PIK3C2G: variants seen among roughly 807,000 people sequenced by gnomAD.
The protein encoded by PIK3C2G is phosphatidylinositol-4-phosphate 3-kinase catalytic subunit type 2 gamma.
Under a neutral mutation model 181.1 loss-of-function variants are expected in PIK3C2G, and 168 were observed. The observed-to-expected ratio is 0.93, with a 90% CI of 0.82 to 1.05. The LOEUF (loss-of-function observed/expected upper bound fraction) is 1.05. Ranked by LOEUF, PIK3C2G falls within the 50% of genes least tolerant of loss-of-function variation. The probability of loss-of-function intolerance (pLI) is 0.00; values close to 1 mark genes in which losing one functional copy is unlikely to be tolerated. For synonymous variants in PIK3C2G, 573 were observed against 592.2 expected (o/e 0.97, Z 0.47); for missense variants, 1,869 against 1,732.8 (o/e 1.08, Z -1.40).
At chr12:18,473,282 T>TAGGTA (rs1938625966) in intron 18 of PIK3C2G, among the ~76,000 whole-genome samples, 1 of 152,208 alleles carries the variant, frequency 6.6e-6, no homozygotes, top group Non-Finnish European at 1.5e-5. Context: ...TGTAGGTTTG[T>TAGGTA]TTTTGTTATT....
At chr12:18,613,463 AC>A (rs1043840709) in intron 31 of PIK3C2G, among the ~76,000 whole-genome samples, 9 of 150,442 alleles carry the variant, frequency 6.0e-5, no homozygotes, top group Non-Finnish European at 7.4e-5. Context: ...AAACACAAGA[AC>A]CCCCCCACAC....
intron 3 of PIK3C2G, among the ~76,000 whole-genome samples, chr12:18,287,964 C>A (rs1431617780): frequency 1.3e-5 from 2 of 152,060 alleles, no homozygotes; most frequent in African/African-American, 2.4e-5. Context: ...GAGTTCGAGA[C>A]CAGCCTGGCC....
chr12:18,705,151 AG>A, the PIK3C2G span: 455 of 1,613,790 alleles, frequency 2.8e-4, 5 homozygotes, highest in South Asian at 4.6e-3. Flanking sequence ...TGAGTTTCTC[AG>A]AAAAAAATGT....
intron 11 of PIK3C2G, among the ~76,000 whole-genome samples, chr12:18,353,338 C>T (rs565786216): frequency 6.6e-6 from 1 of 152,050 alleles, no homozygotes; most frequent in Non-Finnish European, 1.5e-5. Context: ...CCAAGTTTTA[C>T]AAGGTTAAGT....
intron 22 of PIK3C2G, among the ~76,000 whole-genome samples, chr12:18,503,075 A>C (rs935402163): frequency 6.6e-6 from 1 of 152,158 alleles, no homozygotes; most frequent in Non-Finnish European, 1.5e-5. Flanking sequence ...GATTAATCCG[A>C]TCCAAACACA....
chr12:18,421,811 T>C (rs1477865944), intron 17 of PIK3C2G, among the ~76,000 whole-genome samples: 2 of 151,896 alleles, frequency 1.3e-5, no homozygotes, highest in Admixed American at 1.3e-4. Context: ...TGAATGTCAG[T>C]TGCCTCAGGT....
chr12:18,267,662 C>T (rs1471716116), intron 1 of PIK3C2G, among the ~76,000 whole-genome samples: 2 of 152,180 alleles, frequency 1.3e-5, no homozygotes, highest in Admixed American at 1.3e-4. Context: ...GAACAGACTT[C>T]ATCTGATTTC....
At chr12:18,300,448 C>A (rs1012240606) in intron 5 of PIK3C2G, among the ~76,000 whole-genome samples, 1 of 151,754 alleles carries the variant, frequency 6.6e-6, no homozygotes, top group East Asian at 1.9e-4. Flanking sequence ...CTTCTGCTTA[C>A]TTTTGGTTTC....
chr12:18,287,366 A>G (rs577462493), intron 3 of PIK3C2G, among the ~76,000 whole-genome samples: 39 of 152,324 alleles, frequency 2.6e-4, no homozygotes, highest in African/African-American at 8.4e-4. Flanking sequence ...TTGAATAAAT[A>G]CGTGTGTGTT....
At chr12:18,692,237 T>G in the PIK3C2G span, among the ~76,000 whole-genome samples, 1 of 152,122 alleles carries the variant, frequency 6.6e-6, no homozygotes, top group Non-Finnish European at 1.5e-5. Context: ...AGATGGTTTA[T>G]ACAGTTCTAG....
intron 31 of PIK3C2G, among the ~76,000 whole-genome samples, chr12:18,638,951 CAA>C (rs779064940): frequency 1.9e-4 from 19 of 97,576 alleles, no homozygotes; most frequent in African/African-American, 4.2e-4. Context: ...CTCTTCTCAC[CAA>C]AAAAAAAAAA....
chr12:18,461,775 A>G (rs1416025482), intron 18 of PIK3C2G, among the ~76,000 whole-genome samples: 1 of 152,210 alleles, frequency 6.6e-6, no homozygotes, highest in African/African-American at 2.4e-5. Context: ...ATCTGCTGGC[A>G]CCTTGACCTT....
intron 18 of PIK3C2G, among the ~76,000 whole-genome samples, chr12:18,465,723 T>A (rs939525342): frequency 1.3e-5 from 2 of 151,826 alleles, no homozygotes; most frequent in Non-Finnish European, 2.9e-5. Flanking sequence ...GACTTCTTTG[T>A]GTCTAGATGT....
chr12:18,344,675 T>C lies in PIK3C2G; in HGVS notation c.1429+1315T>C, dbSNP rs1239611061. 2.6e-5 allele frequency among the ~76,000 whole-genome samples: 4 copies of C among 152,144 alleles called. No homozygotes were observed. In the East Asian group the frequency reaches 7.7e-4, roughly 29 times the overall value. On this transcript the variant is annotated intron_variant, in intron 10 of 32. Transcript: ENST00000538779. ...CTGTACAGAAATGTTCCTGGAGACT[T>C]ATATTCTATAATAAATCATGATAGA... is the stretch of plus-strand genomic sequence containing the variant.
chr12:18,342,781 A>G (rs964244071), intron 9 of PIK3C2G, among the ~76,000 whole-genome samples: 3 of 152,072 alleles, frequency 2.0e-5, no homozygotes, highest in African/African-American at 7.2e-5. Flanking sequence ...AACCAAAAAA[A>G]TAGGATTTCA....
chr12:18,530,520 T>C (rs1303343679), intron 24 of PIK3C2G, among the ~76,000 whole-genome samples: 2 of 152,190 alleles, frequency 1.3e-5, no homozygotes, highest in Admixed American at 1.3e-4. Flanking sequence ...CTCCATTCCT[T>C]ACCTCTTGTT....
At chr12:18,569,395 A>G (rs1437646524) in intron 29 of PIK3C2G, among the ~76,000 whole-genome samples, 3 of 152,094 alleles carry the variant, frequency 2.0e-5, no homozygotes, top group Admixed American at 1.3e-4. Context: ...GAACACCTGA[A>G]CTAAGAGATA....
chr12:18,370,172 C>T (rs2137867322), intron 12 of PIK3C2G, among the ~76,000 whole-genome samples: 1 of 152,238 alleles, frequency 6.6e-6, no homozygotes, highest in Non-Finnish European at 1.5e-5. Flanking sequence ...ATTAGGGATG[C>T]CAGATCACAA....
intron 26 of PIK3C2G, among the ~76,000 whole-genome samples, chr12:18,561,947 G>A (rs1030085632): frequency 6.6e-6 from 1 of 151,774 alleles, no homozygotes; most frequent in African/African-American, 2.4e-5. Flanking sequence ...AACAATGAAA[G>A]TTGAGCCATA....
Sources: gnomAD v4.1 joint callset for allele counts (sites outside exome capture counted in the v4.1 genomes callset) on GRCh38, gnomAD v4.1.1 for gene constraint, MANE v1.5 for transcripts, NCBI Gene and HGNC (gene_info 2026-07-23, HGNC 2026-07-21) for gene names.